The following MIS18A variants were observed in gnomAD, a reference collection of about 807,000 sequenced individuals.
MIS18A encodes the protein protein Mis18-alpha.
MIS18A carries 14 observed loss-of-function variants against 25.0 expected under a neutral mutation model. The ratio of observed to expected loss-of-function variants is 0.56; its 90% CI spans 0.37 to 0.88. The LOEUF (loss-of-function observed/expected upper bound fraction) is 0.88. MIS18A is among the 40% of genes least tolerant of loss of function. The pLI is 0.00. For missense variants in MIS18A, 292 were observed against 290.8 expected (o/e 1.00, Z -0.03); for synonymous variants, 134 against 118.6 (o/e 1.13, Z -0.84).
chr21:32,274,642 C>A (rs1220848283), intron 2 of MIS18A, among the ~76,000 whole-genome samples, 188 bp downstream of exon 2: 1 of 152,112 alleles, frequency 6.6e-6, no homozygotes, highest in Non-Finnish European at 1.5e-5. Flanking sequence ...CACTCAAGAA[C>A]TAACATATTC....
At chr21:32,226,205 C>T in the MIS18A span, among the ~76,000 whole-genome samples, 3 of 142,396 alleles carry the variant, frequency 2.1e-5, 1 homozygote, top group South Asian at 2.3e-4. Context: ...GGGTGCAGCA[C>T]ACCAGCATGG....
the MIS18A span, among the ~76,000 whole-genome samples, chr21:32,238,054 T>C: frequency 1.3e-5 from 2 of 152,188 alleles, no homozygotes; most frequent in Admixed American, 6.5e-5. Context: ...CTATATAATA[T>C]GTCAACATCT....
the MIS18A span, among the ~76,000 whole-genome samples, chr21:32,158,172 T>A: frequency 1.3e-5 from 2 of 152,202 alleles, no homozygotes; most frequent in African/African-American, 4.8e-5. Flanking sequence ...TCTTTACTTG[T>A]CTGTTTTCAA....
the MIS18A span, among the ~76,000 whole-genome samples, chr21:32,217,247 T>A: frequency 2.0e-5 from 3 of 152,134 alleles, no homozygotes; most frequent in East Asian, 5.8e-4. Flanking sequence ...AACTAAAGTA[T>A]GAAAATGATG....
At chr21:32,220,035 G>A in the MIS18A span, among the ~76,000 whole-genome samples, 34 of 152,310 alleles carry the variant, frequency 2.2e-4, no homozygotes, top group Admixed American at 1.9e-3. Flanking sequence ...GGGAAGGGGC[G>A]GCTGTGGGTG....
chr21:32,226,280 T>TAAA, the MIS18A span, among the ~76,000 whole-genome samples: 5,318 of 131,422 alleles, frequency 0.04, 339 homozygotes, highest in African/African-American at 0.14. Flanking sequence ...TAAAGTATAA[T>TAAA]AAAAAAAAAA....
chr21:32,165,486 G>A, the MIS18A span, among the ~76,000 whole-genome samples: 1 of 151,368 alleles, frequency 6.6e-6, no homozygotes, highest in Admixed American at 6.6e-5. Context: ...CCAGCAGAGG[G>A]CCCAAAGGAT....
intron 2 of MIS18A, among the ~76,000 whole-genome samples, chr21:32,273,175 G>A (rs547536192): frequency 4.9e-4 from 74 of 151,442 alleles, no homozygotes; most frequent in African/African-American, 1.6e-3. Flanking sequence ...ACAGAAGGGG[G>A]ACACAGAGCT....
At chr21:32,199,435 A>T in the MIS18A span, among the ~76,000 whole-genome samples, 1 of 152,186 alleles carries the variant, frequency 6.6e-6, no homozygotes, top group Non-Finnish European at 1.5e-5. Flanking sequence ...GAAAACAGAA[A>T]AAAAAATTTA....
At chr21:32,179,514 C>T in the MIS18A span, among the ~76,000 whole-genome samples, 1 of 152,168 alleles carries the variant, frequency 6.6e-6, no homozygotes, top group African/African-American at 2.4e-5. Context: ...CTGCAGATGA[C>T]CCCAGGGTAA....
the MIS18A span, among the ~76,000 whole-genome samples, chr21:32,176,188 A>G: frequency 9.8e-5 from 15 of 152,378 alleles, no homozygotes; most frequent in African/African-American, 3.6e-4. Flanking sequence ...TACTAAATAC[A>G]TAAACTAATA....
the MIS18A span, among the ~76,000 whole-genome samples, chr21:32,206,948 G>A: frequency 2.0e-5 from 3 of 152,240 alleles, no homozygotes; most frequent in East Asian, 1.9e-4. Flanking sequence ...TTTCACAAAC[G>A]CCAAACTGTG....
the MIS18A span, chr21:32,156,322 T>C: frequency 6.6e-6 from 1 of 152,116 alleles, no homozygotes; most frequent in Admixed American, 6.5e-5. Flanking sequence ...TCCATTAATA[T>C]AGAGGTAGCT....
chr21:32,226,279 A>AT, the MIS18A span, among the ~76,000 whole-genome samples: 4 of 131,276 alleles, frequency 3.0e-5, no homozygotes, highest in East Asian at 2.1e-4. Context: ...TTAAAGTATA[A>AT]TAAAAAAAAA....
chr21:32,212,052 C>G, the MIS18A span, among the ~76,000 whole-genome samples: 1,766 of 152,126 alleles, frequency 0.012, 33 homozygotes, highest in African/African-American at 0.039. Context: ...TTAATAATGC[C>G]TTTTTACCAG....
the MIS18A span, among the ~76,000 whole-genome samples, chr21:32,177,133 T>C: frequency 6.6e-6 from 1 of 152,160 alleles, no homozygotes; most frequent in Non-Finnish European, 1.5e-5. Flanking sequence ...TTATTCCAGA[T>C]AGACGATGCC....
At position 32,268,865 on chromosome 21, in the gene MIS18A, A is replaced by G; in HGVS notation, c.*172T>C. On this transcript the variant is annotated 3_prime_UTR_variant, in exon 5 of 5. Transcript: ENST00000290130. ...CACAGTAGTGGCATGACCAAGGCTC[A>G]CTGCAGCCTCAACCTCCCAAGCTCA... 2.1e-6 allele frequency: 1 copy of G among 470,952 alleles called. No homozygotes were observed. Among genetic ancestry groups the G allele is most frequent in the Non-Finnish European group, 3.9e-6 (1 of 259,222 alleles). The allele number at this position is 470,952 out of a possible 1,614,324, so 29.2% of individuals were successfully genotyped here. A position where few individuals can be genotyped will look rare whatever the true frequency, so the allele number is the denominator to read the frequency against.
chr21:32,275,933 A>G (rs757625849), intron 1 of MIS18A, among the ~76,000 whole-genome samples: 204 of 151,814 alleles, frequency 1.3e-3, no homozygotes, highest in Non-Finnish European at 4.4e-4. Flanking sequence ...TCCTCCTTCA[A>G]TGCTTTCTCC....
chr21:32,187,228 C>T, the MIS18A span, among the ~76,000 whole-genome samples: 1 of 152,224 alleles, frequency 6.6e-6, no homozygotes, highest in Non-Finnish European at 1.5e-5. Context: ...CAGTTCTGTC[C>T]TTTCAGGCCA....
Sources: allele counts gnomAD v4.1 joint callset (sites outside exome capture counted in the v4.1 genomes callset), GRCh38; gene constraint gnomAD v4.1.1; transcripts MANE v1.5; gene names NCBI Gene and HGNC (gene_info 2026-07-23, HGNC 2026-07-21).